The following TMEM131 variants were observed in gnomAD, a reference collection of about 807,000 sequenced individuals.
TMEM131 encodes the protein 2610524E03Rik.
Under a neutral mutation model 211.6 loss-of-function variants are expected in TMEM131, and 66 were observed. That is an observed-to-expected ratio of 0.31 (90% CI 0.26 to 0.38). The LOEUF is 0.38. TMEM131 is among the 10% of genes least tolerant of loss of function. TMEM131 has a pLI of 1.00. For missense variants in TMEM131, 2,036 were observed against 2,299.3 expected (o/e 0.89, Z 2.34); for synonymous variants, 844 against 841.3 (o/e 1.00, Z -0.06).
At chr2:97,772,690 G>T (rs1004130820) in intron 32 of TMEM131, among the ~76,000 whole-genome samples, 1 of 152,180 alleles carries the variant, frequency 6.6e-6, no homozygotes, top group Admixed American at 6.5e-5. Flanking sequence ...GAGCTCAGAA[G>T]TTCAAGACTA....
chr2:97,856,369 C>T (rs1392196361), intron 5 of TMEM131, among the ~76,000 whole-genome samples: 2 of 152,096 alleles, frequency 1.3e-5, no homozygotes, highest in Non-Finnish European at 2.9e-5. Flanking sequence ...TACCCCGTAC[C>T]TCTCTTAGTA....
At chr2:97,768,808 C>A (rs1679317413) in intron 33 of TMEM131, among the ~76,000 whole-genome samples, 1 of 152,122 alleles carries the variant, frequency 6.6e-6, no homozygotes, top group Non-Finnish European at 1.5e-5. Flanking sequence ...TGAGGCTGGT[C>A]TCGAAGTCCT....
chr2:97,814,431 T>C, intron 13 of TMEM131, 43 bp from the exon 14 acceptor site: 1 of 1,498,140 alleles, frequency 6.7e-7, no homozygotes, highest in Non-Finnish European at 9.0e-7. Flanking sequence ...CATTTTTATT[T>C]CCATGTGTTA....
intron 11 of TMEM131, among the ~76,000 whole-genome samples, chr2:97,821,548 C>T (rs958924244): frequency 6.6e-6 from 1 of 152,194 alleles, no homozygotes; most frequent in Non-Finnish European, 1.5e-5. Flanking sequence ...GTAACACTCA[C>T]CACGAAGGTC....
chr2:97,942,958 C>CA (rs1172407120), intron 1 of TMEM131, among the ~76,000 whole-genome samples: 20 of 92,598 alleles, frequency 2.2e-4, no homozygotes, highest in African/African-American at 4.8e-4. Context: ...ACCATGGCTA[C>CA]AAAAAAAAAG....
chr2:97,816,940 G>A (rs1393031070), intron 12 of TMEM131, among the ~76,000 whole-genome samples: 2 of 152,152 alleles, frequency 1.3e-5, no homozygotes, highest in Non-Finnish European at 2.9e-5. Context: ...CAATCTCAGA[G>A]GTATTTTGTG....
At chr2:97,963,317 T>A (rs1678903390) in intron 1 of TMEM131, among the ~76,000 whole-genome samples, 1 of 152,218 alleles carries the variant, frequency 6.6e-6, no homozygotes, top group African/African-American at 2.4e-5. Context: ...TTCTGTCTTT[T>A]ATTAATTTCT....
At chr2:97,836,975 C>A in intron 8 of TMEM131, 102 bp downstream of exon 8, 1 of 855,244 alleles carries the variant, frequency 1.2e-6, no homozygotes, top group Non-Finnish European at 1.9e-6. Flanking sequence ...AAAGAGAAGT[C>A]ATCCATATTT....
intron 1 of TMEM131, among the ~76,000 whole-genome samples, chr2:97,964,086 G>A (rs1271162002): frequency 6.6e-6 from 1 of 152,126 alleles, no homozygotes; most frequent in Non-Finnish European, 1.5e-5. Context: ...TCACATTCCT[G>A]AATGTTCTAC....
At chr2:97,844,882 A>C (rs549679317) in intron 5 of TMEM131, among the ~76,000 whole-genome samples, 14 of 152,232 alleles carry the variant, frequency 9.2e-5, no homozygotes, top group African/African-American at 3.1e-4. Context: ...CCTGAAACAA[A>C]GCCTTAAAGT....
intron 4 of TMEM131, among the ~76,000 whole-genome samples, chr2:97,877,492 T>C (rs181879959): frequency 1.0e-3 from 153 of 152,302 alleles, no homozygotes; most frequent in African/African-American, 3.5e-3. Flanking sequence ...AGTATGGTAC[T>C]GGTACCAAAA....
At chr2:97,791,491 C>T (rs1019505303) in intron 31 of TMEM131, among the ~76,000 whole-genome samples, 7 of 152,230 alleles carry the variant, frequency 4.6e-5, no homozygotes, top group African/African-American at 1.4e-4. Flanking sequence ...CCTCTGGCCA[C>T]AGCCAGCAAG....
chr2:97,760,162 C>T (rs554094735), intron 38 of TMEM131: 1 of 264,516 alleles, frequency 3.8e-6, no homozygotes, highest in East Asian at 9.0e-5. Context: ...GGCCACCACA[C>T]CCCCTGCATG....
chr2:97,837,687 G>T (rs1309451880), intron 7 of TMEM131, among the ~76,000 whole-genome samples: 2 of 152,056 alleles, frequency 1.3e-5, no homozygotes, highest in African/African-American at 4.8e-5. Context: ...TATTTCTGTG[G>T]CTTATGCCTA....
intron 32 of TMEM131, among the ~76,000 whole-genome samples, chr2:97,773,155 C>T (rs1056642473): frequency 1.3e-4 from 20 of 152,188 alleles, no homozygotes; most frequent in Admixed American, 9.8e-4. Flanking sequence ...GAGAGCAGTG[C>T]GGCAGCCAAA....
At chr2:97,759,402 C>A in intron 39 of TMEM131, 2 of 526,186 alleles carry the variant, frequency 3.8e-6, no homozygotes, top group Non-Finnish European at 6.8e-6. Flanking sequence ...TTCTGTGAAG[C>A]CCTTCAATAC....
At chr2:97,883,014 T>C (rs1674999708) in intron 4 of TMEM131, among the ~76,000 whole-genome samples, 2 of 152,222 alleles carry the variant, frequency 1.3e-5, no homozygotes, top group South Asian at 4.1e-4. Flanking sequence ...GGTTGGGTTC[T>C]GGTGTGGAGC....
At chr2:97,984,578 G>T (rs1679941148) in intron 1 of TMEM131, among the ~76,000 whole-genome samples, 1 of 152,000 alleles carries the variant, frequency 6.6e-6, no homozygotes, top group Admixed American at 6.5e-5. Context: ...GCGGCAAGGG[G>T]GGTGGTGACA....
chr2:97,780,356 A>G (rs1024323105), intron 31 of TMEM131, among the ~76,000 whole-genome samples: 9 of 152,024 alleles, frequency 5.9e-5, no homozygotes, highest in African/African-American at 1.4e-4. Flanking sequence ...CTCCACTGCC[A>G]CTCCCTGAGC....
Sources: gnomAD v4.1 joint callset for allele counts (sites outside exome capture counted in the v4.1 genomes callset) on GRCh38, gnomAD v4.1.1 for gene constraint, MANE v1.5 for transcripts, NCBI Gene and HGNC (gene_info 2026-07-23, HGNC 2026-07-21) for gene names.